ATAD2B: variants seen among roughly 807,000 people sequenced by gnomAD.
ATAD2B encodes ATPase family AAA domain-containing protein 2B.
In ATAD2B, 40 loss-of-function variants were observed where a neutral mutation model predicts 167.6. The observed-to-expected ratio is 0.24, with a 90% CI of 0.19 to 0.31. ATAD2B has a LOEUF of 0.31. Among genes scored for constraint, ATAD2B ranks in the 10% least tolerant of loss-of-function variants. ATAD2B has a pLI of 1.00. For synonymous variants in ATAD2B, 579 were observed against 596.5 expected (o/e 0.97, Z 0.43); for missense variants, 1,242 against 1,757.2 (o/e 0.71, Z 5.24).
In ATAD2B at chr2:23,903,937, T is replaced by TG. The variant is rs1253819472; in HGVS notation, c.217-7968dup. 1.6e-4 allele frequency among the ~76,000 whole-genome samples: 20 copies of TG among 128,882 alleles called. No individual in the cohort carries two copies. In the South Asian group the frequency reaches 1.8e-3, roughly 12 times the overall value. 84.6% of individuals were successfully genotyped at this position (128,882 alleles called of 152,430 possible). ...GGCAGGTATAAAAAGTGCCGGTTGT[T>TG]GTTGGTGGTGGTGGTGGTGGTGGTA... On this transcript the variant is annotated intron_variant, in intron 1 of 27. Coordinates refer to ENST00000238789, the MANE Select transcript of ATAD2B (RefSeq NM_017552.4).
At chr2:23,684,803 C>T in the ATAD2B span, among the ~76,000 whole-genome samples, 1 of 152,132 alleles carries the variant, frequency 6.6e-6, no homozygotes, top group Non-Finnish European at 1.5e-5. This position sits in a 1 kb window ranked among gnomAD's most constrained non-coding sequence, Gnocchi z 4.4. Context: ...CAGCAGTAGA[C>T]AACACCGTGC....
chr2:23,791,548 G>C (rs1358328371), intron 19 of ATAD2B, among the ~76,000 whole-genome samples: 1 of 151,886 alleles, frequency 6.6e-6, no homozygotes, highest in Non-Finnish European at 1.5e-5. Flanking sequence ...GGTTGCAGTG[G>C]TATTTCATTC....
Position 23,886,427 on chromosome 2 carries a change from C to T in ATAD2B, c.573-598G>A, listed in dbSNP as rs116856496. Among the ~76,000 whole-genome samples the T allele has an allele frequency of 2.2e-3, 335 of 152,110 alleles. 10 individuals are homozygous for T. In the East Asian group the frequency reaches 0.052, roughly 24 times the overall value. ...TGCCTCTATGAATAATTATCAGATA[C>T]ATGACACTGAAAAAATACAAATTCA... On this transcript the variant is annotated intron_variant, in intron 4 of 27. Transcript: ENST00000238789.
At chr2:23,902,381 G>A (rs1273861378) in intron 1 of ATAD2B, among the ~76,000 whole-genome samples, 2 of 152,120 alleles carry the variant, frequency 1.3e-5, no homozygotes, top group Admixed American at 6.6e-5. Flanking sequence ...AAGCAACCAC[G>A]ATGTAAACAG....
chr2:23,725,621 T>G, the ATAD2B span, among the ~76,000 whole-genome samples: 3 of 152,144 alleles, frequency 2.0e-5, no homozygotes, highest in South Asian at 6.2e-4. Context: ...GAGAAATCCC[T>G]AAAAGCTATA....
chr2:23,753,308 T>C (rs969420232), intron 27 of ATAD2B, among the ~76,000 whole-genome samples: 4 of 152,192 alleles, frequency 2.6e-5, no homozygotes, highest in Admixed American at 2.0e-4. Context: ...TTTAATATAC[T>C]AAAAATATTC....
the ATAD2B span, among the ~76,000 whole-genome samples, chr2:23,683,061 A>C: frequency 1.3e-5 from 2 of 152,348 alleles, no homozygotes; most frequent in Middle Eastern, 6.8e-3. Context: ...CAGGATCCTC[A>C]ATCCCCATTT....
chr2:23,847,099 T>C (rs1691771592), intron 13 of ATAD2B, among the ~76,000 whole-genome samples: 1 of 117,642 alleles, frequency 8.5e-6, no homozygotes, highest in Admixed American at 9.4e-5. Context: ...CATATAAATA[T>C]ACCTCAATAA....
intron 22 of ATAD2B, among the ~76,000 whole-genome samples, chr2:23,766,695 G>A (rs957617158): frequency 6.6e-6 from 1 of 152,076 alleles, no homozygotes; most frequent in Non-Finnish European, 1.5e-5. Context: ...GACCACTACA[G>A]GAACAAATCA....
the ATAD2B span, among the ~76,000 whole-genome samples, chr2:23,708,774 G>A: frequency 6.6e-6 from 1 of 152,186 alleles, no homozygotes; most frequent in Non-Finnish European, 1.5e-5. Flanking sequence ...GAGTTGAAAA[G>A]CCAAGAAGAC....
In ATAD2B at chr2:23,792,962, C is replaced by CAAAAAAAAAA. The variant is rs36015161; in HGVS notation, c.2641-4325_2641-4316dup. Among the ~76,000 whole-genome samples, 25 of 42,546 alleles carry CAAAAAAAAAA rather than the reference C, an allele frequency of 5.9e-4. 3 individuals carry two copies. The highest frequency in any genetic ancestry group is 1.8e-3 in the African/African-American group (16 of 8,718). 27.9% of individuals were successfully genotyped at this position (42,546 alleles called of 152,430 possible). ...TGGGCAACAGCGAGAGACTCTGTCTCAAAAAAAAAAAAAAAAAAAAAAAAA... is the reference window on the plus strand; with the variant it reads ...TGGGCAACAGCGAGAGACTCTGTCTCAAAAAAAAAAAAAAAAAAAAAAAAAAAAAAAAAAA... On this transcript the variant is annotated intron_variant, in intron 19 of 27. Transcript: ENST00000238789.
At chr2:23,770,069 G>A (rs1175270325) in intron 22 of ATAD2B, among the ~76,000 whole-genome samples, 1 of 151,648 alleles carries the variant, frequency 6.6e-6, no homozygotes, top group East Asian at 2.0e-4. Context: ...CAGCACTTTG[G>A]AAGGCCGAGG....
At position 23,751,875 on chromosome 2, in the gene ATAD2B, G is replaced by A; in HGVS notation, c.*171C>T. On this transcript the variant is annotated 3_prime_UTR_variant, in exon 28 of 28. Transcript: ENST00000238789. ...CTGTTTGGTTCTTGTAGGCTGGTTG[G>A]TTTCAGGTACCTGAGACAATAGCAC... 1.7e-6 allele frequency: 1 copy of A among 605,448 alleles called. No homozygotes were observed. The highest frequency in any genetic ancestry group is 2.2e-5 in the South Asian group (1 of 45,914). 37.5% of individuals were successfully genotyped at this position (605,448 alleles called of 1,614,324 possible). A position where few individuals can be genotyped will look rare whatever the true frequency, so the allele number is the denominator to read the frequency against.
the ATAD2B span, chr2:23,696,278 ACCCCAGGCCCCT>A: frequency 6.6e-7 from 1 of 1,509,348 alleles, no homozygotes; most frequent in East Asian, 2.5e-5. This position sits in a 1 kb window ranked among gnomAD's most constrained non-coding sequence, Gnocchi z 5.5. Context: ...GGGCCTGCTG[ACCCCAGGCCCCT>A]CCTCACCCCG....
At chr2:23,709,658 A>G in the ATAD2B span, among the ~76,000 whole-genome samples, 75,850 of 150,202 alleles carry the variant, frequency 0.5, 19,899 homozygotes, top group East Asian at 0.79. Context: ...AAAAATCGGA[A>G]GGTGGTGGTC....
rs760283745 is a variant in ATAD2B at position 23,887,840 on chromosome 2, T to C, written c.564A>G (p.Leu188=). ...ATACTTGGCATTCATACCTATTTACTAGTTGATCAAATAACAAACTCTGGT... is the reference window on the plus strand; with the variant it reads ...ATACTTGGCATTCATACCTATTTACCAGTTGATCAAATAACAAACTCTGGT... ...SVNQSLLFDQ[L]VNSTAEAVLQ... is the part of the protein sequence containing the mutation. Residue 188 remains leucine, a synonymous_variant, in exon 4 of 28, where the codon CTA becomes CTG. Coordinates refer to ENST00000238789, the MANE Select transcript of ATAD2B (RefSeq NM_017552.4). 2.5e-6 allele frequency: 4 copies of C among 1,597,592 alleles called. No homozygotes were observed. The highest frequency in any genetic ancestry group is 3.4e-6 in the Non-Finnish European group (4 of 1,174,170).
chr2:23,853,021 AT>A (rs1692817994), intron 13 of ATAD2B, among the ~76,000 whole-genome samples: 1 of 152,192 alleles, frequency 6.6e-6, no homozygotes, highest in African/African-American at 2.4e-5. Context: ...AGAAAAAAAA[AT>A]ATGTTACAAA....
intron 1 of ATAD2B, among the ~76,000 whole-genome samples, chr2:23,910,794 G>C (rs1385382249): frequency 3.3e-5 from 5 of 152,034 alleles, no homozygotes; most frequent in Non-Finnish European, 7.4e-5. Context: ...CTTGAACCTA[G>C]GAGGCGGAGG....
At chr2:23,792,962 CAAAA>C (rs36015161) in intron 19 of ATAD2B, among the ~76,000 whole-genome samples, 13 of 42,554 alleles carry the variant, frequency 3.1e-4, no homozygotes, top group Admixed American at 7.2e-4. Flanking sequence ...GACTCTGTCT[CAAAA>C]AAAAAAAAAA....
Sources: allele counts gnomAD v4.1 joint callset (sites outside exome capture counted in the v4.1 genomes callset), GRCh38; gene constraint gnomAD v4.1.1; non-coding constraint Gnocchi (gnomAD v3.1); transcripts MANE v1.5; gene names NCBI Gene and HGNC (gene_info 2026-07-23, HGNC 2026-07-21).